The following ENPP7 variants were observed in gnomAD, a reference collection of about 807,000 sequenced individuals.
The protein encoded by ENPP7 is ectonucleotide pyrophosphatase/phosphodiesterase 7, also known as ectonucleotide pyrophosphatase/phosphodiesterase family member 7.
Under a neutral mutation model 33.6 loss-of-function variants are expected in ENPP7, and 39 were observed. The ratio of observed to expected loss-of-function variants is 1.16; its 90% CI spans 0.90 to 1.52. The LOEUF (loss-of-function observed/expected upper bound fraction) is 1.52. ENPP7 is among the 40% of genes most tolerant of loss of function. The probability of loss-of-function intolerance (pLI) is 0.00; values close to 1 mark genes in which losing one functional copy is unlikely to be tolerated. For synonymous variants in ENPP7, 244 were observed against 274.3 expected, an observed-to-expected ratio of 0.89 and a Z score of 1.09; for missense variants, 594 against 641.0, an observed-to-expected ratio of 0.93 and a Z score of 0.79.
At chr17:79,732,417 C>T (rs2094288267) in intron 1 of ENPP7, among the ~76,000 whole-genome samples, 1 of 152,040 alleles carries the variant, frequency 6.6e-6, no homozygotes, top group Non-Finnish European at 1.5e-5. Flanking sequence ...GCGTGGGTGT[C>T]CCAGGGCGCC....
In ENPP7 at chr17:79,737,122, G is replaced by C. The variant is rs782198169; in HGVS notation, c.1108G>C (p.Gly370Arg). 9 of 1,614,168 alleles carry C rather than the reference G, an allele frequency of 5.6e-6. No individual in the cohort carries two copies. Among genetic ancestry groups the C allele is most frequent in the Non-Finnish European group, 7.6e-6 (9 of 1,180,030 alleles). ...MDMKTIFRAVGPSFRAGLEVE... is the reference protein window; with the variant it reads ...MDMKTIFRAVRPSFRAGLEVE... Reference sequence around the variant, plus strand: ...CATGAAGACCATCTTCCGCGCTGTGGGCCCTAGCTTCAGGGCGGGCCTGGA... The same window carrying C: ...CATGAAGACCATCTTCCGCGCTGTGCGCCCTAGCTTCAGGGCGGGCCTGGA... Residue 370 changes from glycine (G) to arginine (R), a missense_variant, in exon 4 of 6, where the codon GGC becomes CGC. By Grantham distance (125) the Gly-to-Arg change is moderately radical (BLOSUM62 -2). Coordinates refer to ENST00000328313, the MANE Select transcript of ENPP7 (RefSeq NM_178543.5). The surrounding 1 kb of genome is among the most constrained non-coding windows in gnomAD (Gnocchi z 5.5).
chr17:79,740,167 C>T (rs1015342548), intron 5 of ENPP7, among the ~76,000 whole-genome samples: 13 of 152,142 alleles, frequency 8.5e-5, no homozygotes, highest in African/African-American at 2.9e-4. Context: ...CACTGCACTC[C>T]ACCATGGGCA....
rs2094294875 is a variant in ENPP7 at position 79,735,911 on chromosome 17, T to C, written c.1026+242T>C. ...GGCTAATTTTTGTGTGTGTTTTGTT[T>C]TGTTTTGTTTCATTTGAGACAGAGT... On this transcript the variant is annotated intron_variant, in intron 3 of 5. Coordinates refer to ENST00000328313, the MANE Select transcript of ENPP7 (RefSeq NM_178543.5). The surrounding 1 kb of genome is among the most constrained non-coding windows in gnomAD (Gnocchi z 5.5). Among the ~76,000 whole-genome samples, 1 of 151,990 alleles carries C rather than the reference T, an allele frequency of 6.6e-6. No individual in the cohort carries two copies. The highest frequency in any genetic ancestry group is 1.9e-4 in the East Asian group (1 of 5,184).
chr17:79,733,961 C>A (rs1440761039), intron 2 of ENPP7, among the ~76,000 whole-genome samples: 1 of 152,192 alleles, frequency 6.6e-6, no homozygotes, highest in African/African-American at 2.4e-5. Context: ...GAGAACTGCA[C>A]CCTTGGGCCC....
intron 3 of ENPP7, among the ~76,000 whole-genome samples, chr17:79,736,345 T>C (rs1270036455): frequency 1.3e-5 from 2 of 152,212 alleles, no homozygotes; most frequent in African/African-American, 4.8e-5. Context: ...GGCCTCTCCT[T>C]CCATCTCCAT....
In ENPP7 at chr17:79,731,264, G is replaced by A. The variant is rs782091103; in HGVS notation, c.125G>A (p.Arg42His). ...CTCCTGGTGTCCTTCGACGGCTTCCGCTGGAACTACGACCAGGACGTGGAC... is the reference window on the plus strand; with the variant it reads ...CTCCTGGTGTCCTTCGACGGCTTCCACTGGAACTACGACCAGGACGTGGAC... ...KLLLVSFDGF[R>H]WNYDQDVDTP... The change falls in exon 1 of 6, where the codon CGC becomes CAC. Residue 42 changes from arginine (R) to histidine (H), a missense_variant. Physicochemically the swap from Arg to His is conservative, Grantham distance 29. Coordinates refer to ENST00000328313, the MANE Select transcript of ENPP7 (RefSeq NM_178543.5). 49 of 1,613,726 alleles carry A rather than the reference G, an allele frequency of 3.0e-5. 1 individual carries two copies. Among genetic ancestry groups the A allele is most frequent in the Middle Eastern group, 3.3e-4 (2 of 6,024 alleles).
chr17:79,731,043 C>A lies in ENPP7; in HGVS notation c.-97C>A. 1 of 1,358,078 alleles carries A rather than the reference C, an allele frequency of 7.4e-7. No homozygotes were observed. The highest frequency in any genetic ancestry group is 9.8e-7 in the Non-Finnish European group (1 of 1,017,340). The allele number at this position is 1,358,078 out of a possible 1,614,324, so 84.1% of individuals were successfully genotyped here. ...TGCACAGCCACATTCCAAAGGCGCA[C>A]GGGATGAGATCAGCCCGGGTGACCC... On this transcript the variant is annotated 5_prime_UTR_variant, in exon 1 of 6. Coordinates refer to ENST00000328313, the MANE Select transcript of ENPP7 (RefSeq NM_178543.5).
chr17:79,733,726 T>C, intron 2 of ENPP7, 73 bp downstream of exon 2: 2 of 1,460,196 alleles, frequency 1.4e-6, no homozygotes, highest in East Asian at 2.5e-5. Flanking sequence ...CTTGGAACCA[T>C]GTGAGATCCA....
Position 79,733,587 on chromosome 17 carries a change from C to T in ENPP7, c.333C>T (p.Ala111=). ...GCAAGGTGAAGCTGCCCTACCACGCCACGCTGGGCATCCAGAGGTGGTGGG... is the reference window on the plus strand; with the variant it reads ...GCAAGGTGAAGCTGCCCTACCACGCTACGCTGGGCATCCAGAGGTGGTGGG... ...TTSKVKLPYH[A]TLGIQRWWDN... The change falls in exon 2 of 6, where the codon GCC becomes GCT. Residue 111 remains alanine (A), a synonymous_variant. Coordinates refer to ENST00000328313, the MANE Select transcript of ENPP7 (RefSeq NM_178543.5). 6.2e-7 allele frequency: 1 copy of T among 1,613,562 alleles called. No homozygotes were observed. Among genetic ancestry groups the T allele is most frequent in the African/African-American group, 1.3e-5 (1 of 75,070 alleles).
At chr17:79,734,964 G>T in intron 2 of ENPP7, 79 bp from the exon 3 acceptor site, 2 of 1,476,320 alleles carry the variant, frequency 1.4e-6, no homozygotes, top group South Asian at 2.6e-5. Context: ...AGGCACGTGG[G>T]GGACAAATGT....
rs144483594 is a variant in ENPP7 at position 79,735,082 on chromosome 17, G to A, written c.439G>A (p.Val147Ile). 46 of 1,613,044 alleles carry A rather than the reference G, an allele frequency of 2.9e-5. No homozygotes were observed. Among genetic ancestry groups the A allele is most frequent in the Admixed American group, 8.3e-5 (5 of 60,028 alleles). ...AGSFFYPGGN[V>I]TYQGVAVTRS... is the part of the protein sequence containing the mutation. ...CTCCTTCTTCTACCCGGGCGGGAAC[G>A]TCACCTACCAAGGGGTGGCTGTGAC... is the stretch of plus-strand genomic sequence containing the variant. Residue 147 changes from valine (V) to isoleucine (I), a missense_variant, in exon 3 of 6, where the codon GTC becomes ATC. Around this residue, in one of 3 missense-constraint regions of ENPP7, gnomAD observed 504 missense variants for 512.8 expected, o/e 0.98. Transcript: ENST00000328313. The surrounding 1 kb of genome is among the most constrained non-coding windows in gnomAD (Gnocchi z 5.5).
rs565869422 is a variant in ENPP7, at chr17:79,741,850, G to A, written c.*73G>A. 5 of 985,802 alleles carry A rather than the reference G, an allele frequency of 5.1e-6. No individual in the cohort carries two copies. In the South Asian group the frequency reaches 1.9e-4, roughly 37 times the overall value. The allele number at this position is 985,802 out of a possible 1,614,324, so 61.1% of individuals were successfully genotyped here. ...GCCGGCTGTCTCGCTGCGATGCTCT[G>A]CTGGTCGCGGACGGACCCTGCCTCC... On this transcript the variant is annotated 3_prime_UTR_variant, in exon 6 of 6. Coordinates refer to ENST00000328313, the MANE Select transcript of ENPP7 (RefSeq NM_178543.5).
At chr17:79,732,911 G>A (rs928021192) in intron 1 of ENPP7, among the ~76,000 whole-genome samples, 11 of 152,196 alleles carry the variant, frequency 7.2e-5, no homozygotes, top group African/African-American at 1.2e-4. Flanking sequence ...GGAGGTGTGC[G>A]GGTCTCCCGT....
At chr17:79,740,701 C>T (rs868948390) in intron 5 of ENPP7, among the ~76,000 whole-genome samples, 8 of 152,220 alleles carry the variant, frequency 5.3e-5, no homozygotes, top group African/African-American at 1.7e-4. Flanking sequence ...GGAGCAGCCA[C>T]GGTGGCGTCC....
chr17:79,740,826 C>T (rs1290741125), intron 5 of ENPP7, among the ~76,000 whole-genome samples: 2 of 152,094 alleles, frequency 1.3e-5, no homozygotes, highest in Admixed American at 6.6e-5. Context: ...GTGAGGTCAC[C>T]GAACACAAAG....
At position 79,739,929 on chromosome 17, in the gene ENPP7, C is replaced by T. The variant is rs971092193; in HGVS notation, c.*17-1865C>T. On this transcript the variant is annotated intron_variant, in intron 5 of 5. Coordinates refer to ENST00000328313, the MANE Select transcript of ENPP7 (RefSeq NM_178543.5). The surrounding 1 kb of genome is among the most constrained non-coding windows in gnomAD (Gnocchi z 4.4). ...GAATGAGGCCAGGTGCGGTGGCTTCCGCCTGGAACCCCAGTACTTCCAGAG... is the reference window on the plus strand; with the variant it reads ...GAATGAGGCCAGGTGCGGTGGCTTCTGCCTGGAACCCCAGTACTTCCAGAG... Among the ~76,000 whole-genome samples, 8 of 152,168 alleles carry T rather than the reference C, an allele frequency of 5.3e-5. No individual in the cohort carries two copies. Among genetic ancestry groups the T allele is most frequent in the Non-Finnish European group, 1.0e-4 (7 of 68,038 alleles).
chr17:79,741,301 T>C (rs1253290126), intron 5 of ENPP7, among the ~76,000 whole-genome samples: 1 of 152,244 alleles, frequency 6.6e-6, no homozygotes, highest in Admixed American at 6.5e-5. Context: ...TTGGGCCCAT[T>C]TCTTTCCTCT....
chr17:79,736,570 TGTGTGC>T (rs2145794107), intron 3 of ENPP7, among the ~76,000 whole-genome samples: 2 of 142,236 alleles, frequency 1.4e-5, no homozygotes, highest in South Asian at 4.6e-4. Context: ...TGTGTGTGTG[TGTGTGC>T]GTCCTACGTG....
Position 79,741,792 on chromosome 17 carries a change from A to G in ENPP7, c.*17-2A>G, listed in dbSNP as rs1401231367. ...ACCAACGCGTGCTGCTTGCTCTTCC[A>G]GGAAGCCGCCGGGAGCTGCCCGCAG... On this transcript the variant is annotated splice_acceptor_variant, in intron 5 of 5. Coordinates refer to ENST00000328313, the MANE Select transcript of ENPP7 (RefSeq NM_178543.5). LOFTEE classifies it low-confidence loss of function (3UTR_SPLICE). 4.1e-6 allele frequency: 4 copies of G among 985,500 alleles called. No homozygotes were observed. In the African/African-American group the frequency reaches 7.0e-5, roughly 17 times the overall value. 61.0% of individuals were successfully genotyped at this position (985,500 alleles called of 1,614,324 possible). A position where few individuals can be genotyped will look rare whatever the true frequency, so the allele number is the denominator to read the frequency against.
Sources: gnomAD v4.1 joint callset for allele counts (sites outside exome capture counted in the v4.1 genomes callset) on GRCh38, gnomAD v4.1.1 for gene constraint, gnomAD v4.1.1 regional missense constraint, Gnocchi (gnomAD v3.1) non-coding constraint, MANE v1.5 for transcripts, NCBI Gene and HGNC (gene_info 2026-07-23, HGNC 2026-07-21) for gene names.